Variants in PLEKHA5 observed in about 807,000 individuals in gnomAD.
PLEKHA5 encodes pleckstrin homology domain containing A5, also known as pleckstrin homology domain-containing family A member 5.
In PLEKHA5, 55 loss-of-function variants were observed where a neutral mutation model predicts 181.9. The ratio of observed to expected loss-of-function variants is 0.30; its 90% CI spans 0.24 to 0.38. The LOEUF is 0.38. Ranked by LOEUF, PLEKHA5 falls within the 10% of genes least tolerant of loss-of-function variation. The pLI is 1.00. For missense variants in PLEKHA5, 1,432 were observed against 1,549.5 expected (o/e 0.92, Z 1.27); for synonymous variants, 535 against 529.4 (o/e 1.01, Z -0.15).
At chr12:19,318,859 T>C (rs1293293168) in intron 16 of PLEKHA5, among the ~76,000 whole-genome samples, 1 of 152,148 alleles carries the variant, frequency 6.6e-6, no homozygotes, top group African/African-American at 2.4e-5. Flanking sequence ...AGGCAGAGGT[T>C]GCAATGAGCC....
chr12:19,351,174 A>C (rs1264194287), intron 25 of PLEKHA5, among the ~76,000 whole-genome samples: 1 of 151,892 alleles, frequency 6.6e-6, no homozygotes, highest in Admixed American at 6.6e-5. Context: ...AGGCTCAAGC[A>C]ATCTGCCTGC....
chr12:19,329,785 T>C (rs557430172), intron 20 of PLEKHA5, among the ~76,000 whole-genome samples: 3 of 152,172 alleles, frequency 2.0e-5, no homozygotes, highest in African/African-American at 4.8e-5. Flanking sequence ...AACCAACTTT[T>C]GATTTCCCCA....
At chr12:19,295,403 C>T (rs1444885235) in intron 15 of PLEKHA5, among the ~76,000 whole-genome samples, 2 of 151,964 alleles carry the variant, frequency 1.3e-5, no homozygotes, top group African/African-American at 4.8e-5. Context: ...AAAGTGTTGC[C>T]CTTGCTGTGT....
intron 23 of PLEKHA5, 25 bp downstream of exon 23, chr12:19,345,913 T>A: frequency 8.6e-7 from 1 of 1,161,774 alleles, no homozygotes; most frequent in Non-Finnish European, 1.3e-6. Context: ...TTTTTCTAAT[T>A]ATAAATTACT....
intron 3 of PLEKHA5, among the ~76,000 whole-genome samples, chr12:19,155,641 ATTAGTCT>A (rs2041510136): frequency 6.6e-6 from 1 of 152,212 alleles, no homozygotes; most frequent in Non-Finnish European, 1.5e-5. Flanking sequence ...ATAAAATATT[ATTAGTCT>A]TTATCTTGAA....
chr12:19,311,752 C>A (rs56930803), intron 15 of PLEKHA5, among the ~76,000 whole-genome samples: 28,911 of 152,042 alleles, frequency 0.19, 3,192 homozygotes, highest in East Asian at 0.34. Flanking sequence ...AACCCCTCAA[C>A]CTCATTCATG....
intron 3 of PLEKHA5, among the ~76,000 whole-genome samples, chr12:19,217,411 A>G (rs1478093715): frequency 1.3e-5 from 2 of 152,202 alleles, no homozygotes; most frequent in Admixed American, 6.5e-5. Context: ...ACAGGATGAT[A>G]TATGTGATAG....
intron 3 of PLEKHA5, among the ~76,000 whole-genome samples, chr12:19,238,584 A>G (rs1020693301): frequency 5.3e-5 from 8 of 152,122 alleles, no homozygotes; most frequent in Non-Finnish European, 8.8e-5. Context: ...TTTATCTTGA[A>G]TCCGCTGAAA....
chr12:19,359,612 A>G, intron 28 of PLEKHA5, 66 bp downstream of exon 28: 1 of 1,443,544 alleles, frequency 6.9e-7, no homozygotes. Context: ...ATCAAGTGGT[A>G]AGGTTGAAAA....
chr12:19,149,534 A>G (rs1341668383), intron 3 of PLEKHA5: 2 of 152,752 alleles, frequency 1.3e-5, no homozygotes, highest in South Asian at 4.2e-4. Context: ...GAAAAGAAAA[A>G]AAAACTCAGT....
rs370272684 is a variant in PLEKHA5 at position 19,354,014 on chromosome 12, G to T, written c.3138+12G>T. The T allele has an allele frequency of 1.6e-6, 2 of 1,232,936 alleles. No homozygotes were observed. The highest frequency in any genetic ancestry group is 3.0e-5 in the African/African-American group (2 of 67,218). The allele number at this position is 1,232,936 out of a possible 1,614,324, so 76.4% of individuals were successfully genotyped here. ...TGGATCTAAGAACGGTATTTAACTG[G>T]AAATTAATCTTCTAGGAAGATTCTC... On this transcript the variant is annotated intron_variant, in intron 26 of 31. Coordinates refer to ENST00000429027, the MANE Select transcript of PLEKHA5 (RefSeq NM_001256470.2).
At chr12:19,289,840 AT>A (rs1243559933) in intron 13 of PLEKHA5, among the ~76,000 whole-genome samples, 2 of 152,160 alleles carry the variant, frequency 1.3e-5, no homozygotes, top group African/African-American at 2.4e-5. Flanking sequence ...TAACAGTGAC[AT>A]TTCAGAGTAT....
At position 19,359,520 on chromosome 12, in the gene PLEKHA5, C is replaced by T. The variant is rs2095117438; in HGVS notation, c.3457C>T (p.Pro1153Ser). 6.2e-7 allele frequency: 1 copy of T among 1,613,846 alleles called. No individual in the cohort carries two copies. The highest frequency in any genetic ancestry group is 8.5e-7 in the Non-Finnish European group (1 of 1,179,862). Reference sequence around the variant, plus strand: ...AATTGTTCAACTAAAAGAAACCGAACCCCAAAATGTGGACTTCAGCAAAGA... The same window carrying T: ...AATTGTTCAACTAAAAGAAACCGAATCCCAAAATGTGGACTTCAGCAAAGA... ...TEIVQLKETE[P>S]QNVDFSKELK... The change falls in exon 28 of 32, where the codon CCC (proline) becomes TCC (serine). Residue 1153 changes from proline to serine, a missense_variant. By Grantham distance (74) the Pro-to-Ser change is moderately conservative. Transcript: ENST00000429027.
intron 3 of PLEKHA5, among the ~76,000 whole-genome samples, chr12:19,250,295 C>A (rs988414060): frequency 6.6e-6 from 1 of 152,088 alleles, no homozygotes; most frequent in Non-Finnish European, 1.5e-5. Context: ...ATATCAAGAC[C>A]TGAATTTGGC....
intron 3 of PLEKHA5, among the ~76,000 whole-genome samples, chr12:19,178,313 G>A (rs2047777971): frequency 6.6e-6 from 1 of 152,098 alleles, no homozygotes; most frequent in African/African-American, 2.4e-5. Context: ...TTATTCCCTA[G>A]GTAAATGCAG....
At chr12:19,242,820 G>A (rs934374063) in intron 3 of PLEKHA5, among the ~76,000 whole-genome samples, 1 of 152,086 alleles carries the variant, frequency 6.6e-6, no homozygotes, top group Non-Finnish European at 1.5e-5. Context: ...CCTGTTGGGT[G>A]CAACACATGC....
At chr12:19,314,519 A>G (rs1377642075) in intron 15 of PLEKHA5, among the ~76,000 whole-genome samples, 2 of 151,984 alleles carry the variant, frequency 1.3e-5, no homozygotes, top group Non-Finnish European at 2.9e-5. Flanking sequence ...TTTATCATCT[A>G]TTTTATTATA....
chr12:19,275,045 G>A (rs1290257595), intron 11 of PLEKHA5, 62 bp downstream of exon 11: 1 of 1,075,550 alleles, frequency 9.3e-7, no homozygotes, highest in Non-Finnish European at 1.4e-6. Flanking sequence ...GTGGAGATTG[G>A]TTTCTGAGCT....
chr12:19,231,095 A>G (rs1051112942), intron 3 of PLEKHA5, among the ~76,000 whole-genome samples: 13 of 152,126 alleles, frequency 8.5e-5, no homozygotes, highest in African/African-American at 2.9e-4. Context: ...TTCCTTCCCT[A>G]CAAAAGGGTA....
Sources: allele counts gnomAD v4.1 joint callset (sites outside exome capture counted in the v4.1 genomes callset), GRCh38; gene constraint gnomAD v4.1.1; transcripts MANE v1.5; gene names NCBI Gene and HGNC (gene_info 2026-07-23, HGNC 2026-07-21).